COL4A3: variants seen among roughly 807,000 people sequenced by gnomAD.
COL4A3 encodes collagen alpha-3(IV) chain.
In COL4A3, 135 loss-of-function variants were observed where a neutral mutation model predicts 217.4. The ratio of observed to expected loss-of-function variants is 0.62; its 90% CI spans 0.54 to 0.72. The LOEUF (loss-of-function observed/expected upper bound fraction) is 0.72, where lower values mean the gene tolerates loss of function less well. Among genes scored for constraint, COL4A3 ranks in the 30% least tolerant of loss-of-function variants. The pLI, the probability that COL4A3 is intolerant of heterozygous loss-of-function variation, is 0.00. For synonymous variants in COL4A3, 690 were observed against 736.3 expected, an observed-to-expected ratio of 0.94 and a Z score of 1.02; for missense variants, 1,868 against 2,119.9, an observed-to-expected ratio of 0.88 and a Z score of 2.33.
Position 227,310,925 on chromosome 2 carries a change from A to T in COL4A3, c.4905A>T (p.Ser1635=). ...YSNSYSFWLA[S]LNPERMFRKP... ...ATTCCTACAGTTTCTGGCTGGCTTC[A>T]TTAAACCCAGAAAGAATGTTCAGGT... The change falls in exon 51 of 52, where the codon TCA becomes TCT. Residue 1635 remains serine (S), a synonymous_variant. Transcript: ENST00000396578. 1 of 1,613,934 alleles carries T rather than the reference A, an allele frequency of 6.2e-7. No individual in the cohort carries two copies. The highest frequency in any genetic ancestry group is 8.5e-7 in the Non-Finnish European group (1 of 1,180,028).
At chr2:227,179,171 G>A (rs1262194777) in intron 1 of COL4A3, among the ~76,000 whole-genome samples, 1 of 151,984 alleles carries the variant, frequency 6.6e-6, no homozygotes, top group Non-Finnish European at 1.5e-5. Flanking sequence ...GGCTAGTCTT[G>A]AACTCATGGG....
intron 1 of COL4A3, among the ~76,000 whole-genome samples, chr2:227,213,349 CT>C (rs2067397330): frequency 6.6e-6 from 1 of 152,056 alleles, no homozygotes; most frequent in South Asian, 2.1e-4. Context: ...TGTTGGATGA[CT>C]TTTTTTGGAG....
intron 7 of COL4A3, 25 bp from the exon 8 acceptor site, chr2:227,247,533 T>G: frequency 6.2e-7 from 1 of 1,613,356 alleles, no homozygotes; most frequent in South Asian, 1.1e-5. Flanking sequence ...TTCCTCTAGT[T>G]GTTCATAGGT....
At chr2:227,270,033 C>G in intron 24 of COL4A3, 53 bp downstream of exon 24, 1 of 1,469,732 alleles carries the variant, frequency 6.8e-7, no homozygotes, top group Admixed American at 1.7e-5. Context: ...ATTGCACACT[C>G]TAGAAATATG....
At chr2:227,266,775 T>C (rs777479785) in intron 22 of COL4A3, among the ~76,000 whole-genome samples, 2 of 152,248 alleles carry the variant, frequency 1.3e-5, no homozygotes, top group South Asian at 4.1e-4. Context: ...GTTAGACTTT[T>C]GGAATTTCCC....
At chr2:227,276,359 A>G (rs1178455092) in intron 26 of COL4A3, 26 bp from the exon 27 acceptor site, 2 of 1,564,552 alleles carry the variant, frequency 1.3e-6, no homozygotes, top group Non-Finnish European at 1.8e-6. Flanking sequence ...ATATACCCCA[A>G]TCTTATGACC....
At position 227,244,312 on chromosome 2, in the gene COL4A3, G is replaced by C. The variant is rs2069190825; in HGVS notation, c.235-8G>C. 1 of 1,613,626 alleles carries C rather than the reference G, an allele frequency of 6.2e-7. No homozygotes were observed. Among genetic ancestry groups the C allele is most frequent in the Non-Finnish European group, 8.5e-7 (1 of 1,179,806 alleles). ...GTGTTTACTTTTTCTTTTTTCACTTGAATCTAGGGCTTTCCAGGACTTCCA... is the reference window on the plus strand; with the variant it reads ...GTGTTTACTTTTTCTTTTTTCACTTCAATCTAGGGCTTTCCAGGACTTCCA... On this transcript the variant is annotated splice_region_variant and splice_polypyrimidine_tract_variant and intron_variant, in intron 3 of 51. Transcript: ENST00000396578.
chr2:227,246,569 C>T lies in COL4A3; in HGVS notation c.388-116C>T, dbSNP rs73080061. 2.5e-3 allele frequency: 2,010 copies of T among 801,444 alleles called. 29 individuals are homozygous for T. The African/African-American group carries it at 0.03, about 12-fold the overall frequency. The allele number at this position is 801,444 out of a possible 1,614,324, so 49.6% of individuals were successfully genotyped here. A position where few individuals can be genotyped will look rare whatever the true frequency, so the allele number is the denominator to read the frequency against. On this transcript the variant is annotated intron_variant, in intron 6 of 51. Coordinates refer to ENST00000396578, the MANE Select transcript of COL4A3 (RefSeq NM_000091.5). ...CATGACCCAGTAGCCATAAGGAATT[C>T]GGGTTACTTTGTCTAGATTTACCAT... is the stretch of plus-strand genomic sequence containing the variant.
chr2:227,261,267 G>A, intron 20 of COL4A3, 150 bp downstream of exon 20: 1 of 703,212 alleles, frequency 1.4e-6, no homozygotes, highest in Non-Finnish European at 2.3e-6. Flanking sequence ...GCTCACGCCT[G>A]TAATCCCAGC....
At chr2:227,304,198 A>T in intron 46 of COL4A3, 54 bp downstream of exon 46, 1 of 1,608,454 alleles carries the variant, frequency 6.2e-7, no homozygotes, top group African/African-American at 1.3e-5. Flanking sequence ...GAACCAAAAT[A>T]CCTGTAAACT....
intron 48 of COL4A3, 25 bp from the exon 49 acceptor site, chr2:227,308,874 G>A: frequency 6.2e-7 from 1 of 1,609,504 alleles, no homozygotes; most frequent in Non-Finnish European, 8.5e-7. Context: ...TACTGAAAGT[G>A]ATACTCAGTC....
intron 23 of COL4A3, among the ~76,000 whole-genome samples, chr2:227,269,141 T>A (rs2071092071): frequency 1.3e-5 from 2 of 152,160 alleles, no homozygotes; most frequent in Non-Finnish European, 2.9e-5. Context: ...ATAGAGATAT[T>A]TAAATACCTA....
intron 1 of COL4A3, among the ~76,000 whole-genome samples, chr2:227,193,235 G>C (rs574210162): frequency 1.1e-4 from 17 of 152,076 alleles, no homozygotes; most frequent in Non-Finnish European, 2.4e-4. Flanking sequence ...CTACAAATTA[G>C]ATAAACTTAT....
chr2:227,202,434 C>A (rs115633544), intron 1 of COL4A3, among the ~76,000 whole-genome samples: 1 of 151,726 alleles, frequency 6.6e-6, no homozygotes, highest in Non-Finnish European at 1.5e-5. Context: ...TGCTGGTATG[C>A]GGGTATTTTT....
rs11286889 is a variant in COL4A3, at chr2:227,311,380, CTTT to C, written c.4929-394_4929-392del. Among the ~76,000 whole-genome samples, 1 of 141,764 alleles carries C rather than the reference CTTT, an allele frequency of 7.1e-6. No homozygotes were observed. Among genetic ancestry groups the C allele is most frequent in the Non-Finnish European group, 1.6e-5 (1 of 64,318 alleles). The allele number at this position is 141,764 out of a possible 152,430, so 93.0% of individuals were successfully genotyped here. A position where few individuals can be genotyped will look rare whatever the true frequency, so the allele number is the denominator to read the frequency against. On this transcript the variant is annotated intron_variant, in intron 51 of 51. Coordinates refer to ENST00000396578, the MANE Select transcript of COL4A3 (RefSeq NM_000091.5). ...TCCATTAATATAATAAATTTCTCTC[CTTT>C]TTTTTTTTTTTCTTGAGATGGAGTC... is the stretch of plus-strand genomic sequence containing the variant.
At chr2:227,224,418 T>A (rs781054431) in intron 1 of COL4A3, among the ~76,000 whole-genome samples, 3 of 152,140 alleles carry the variant, frequency 2.0e-5, no homozygotes, top group Non-Finnish European at 4.4e-5. Context: ...CTAGTAGTTT[T>A]CCAAACTGAA....
intron 17 of COL4A3, among the ~76,000 whole-genome samples, chr2:227,257,343 T>C: frequency 6.6e-6 from 1 of 152,198 alleles, no homozygotes; most frequent in East Asian, 1.9e-4. Flanking sequence ...TGAACAAGCA[T>C]TGCAGATGGT....
At chr2:227,215,865 A>C (rs541185425) in intron 1 of COL4A3, among the ~76,000 whole-genome samples, 25 of 152,042 alleles carry the variant, frequency 1.6e-4, no homozygotes, top group African/African-American at 5.1e-4. Flanking sequence ...TGTTTGTACT[A>C]CTCTTTTGAT....
chr2:227,263,679 C>A, intron 20 of COL4A3, 101 bp from the exon 21 acceptor site: 1 of 1,243,476 alleles, frequency 8.0e-7, no homozygotes, highest in Non-Finnish European at 1.1e-6. Flanking sequence ...CTCCATTGTG[C>A]AATTTTTATA....
Sources: gnomAD v4.1 joint callset for allele counts (sites outside exome capture counted in the v4.1 genomes callset) on GRCh38, gnomAD v4.1.1 for gene constraint, MANE v1.5 for transcripts, NCBI Gene and HGNC (gene_info 2026-07-23, HGNC 2026-07-21) for gene names.